SLIT2: variants seen among roughly 807,000 people sequenced by gnomAD.
The protein encoded by SLIT2 is slit homolog 2 protein.
SLIT2 carries 41 observed loss-of-function variants against 185.7 expected under a neutral mutation model. That is an observed-to-expected ratio of 0.22 (90% CI 0.17 to 0.29). The LOEUF is 0.29. SLIT2 is among the 10% of genes least tolerant of loss of function. SLIT2 has a pLI of 1.00. For missense variants in SLIT2, 1,571 were observed against 1,909.0 expected (o/e 0.82, Z 3.30); for synonymous variants, 693 against 680.2 (o/e 1.02, Z -0.29).
At chr4:20,553,757 A>ATGTG (rs754599081) in intron 25 of SLIT2, 48 bp from the exon 26 acceptor site, 5 of 1,163,414 alleles carry the variant, frequency 4.3e-6, no homozygotes, top group South Asian at 2.0e-5. Flanking sequence ...GTGTGTGTGT[A>ATGTG]TGTGTGTGTG....
intron 11 of SLIT2, among the ~76,000 whole-genome samples, chr4:20,511,377 G>A (rs2148826107): frequency 6.6e-6 from 1 of 150,804 alleles, no homozygotes; most frequent in Admixed American, 6.6e-5. Context: ...TTTGCTGTTA[G>A]GAGAGCAAGA....
intron 30 of SLIT2, among the ~76,000 whole-genome samples, chr4:20,593,668 TA>T (rs1301627118): frequency 6.6e-6 from 1 of 152,166 alleles, no homozygotes. Context: ...AGGTGATGGA[TA>T]TGTTAATTAG....
chr4:20,524,080 C>G lies in SLIT2; in HGVS notation c.1341C>G (p.Thr447=), dbSNP rs1721073717. 3.1e-6 allele frequency: 5 copies of G among 1,614,058 alleles called. No homozygotes were observed. Among genetic ancestry groups the G allele is most frequent in the Non-Finnish European group, 4.2e-6 (5 of 1,179,954 alleles). The change falls in exon 14 of 37, where the codon ACC becomes ACG. Residue 447 remains threonine, a synonymous_variant. Transcript: ENST00000504154. ...AGTGGCTAGCGGATTATCTCCATAC[C>G]AACCCGATTGAGACCAGTGGTGCCC... The part of the protein sequence containing the change: ...HLKWLADYLH[T]NPIETSGARC...
intron 4 of SLIT2, among the ~76,000 whole-genome samples, chr4:20,435,898 G>A (rs1003115767): frequency 6.6e-6 from 1 of 152,220 alleles, no homozygotes; most frequent in Admixed American, 6.5e-5. Flanking sequence ...GGATGACTAG[G>A]AGTACATGTG....
At chr4:20,518,627 C>T (rs1477448988) in intron 11 of SLIT2, among the ~76,000 whole-genome samples, 14 of 51,022 alleles carry the variant, frequency 2.7e-4, no homozygotes, top group African/African-American at 8.6e-4. Context: ...TTTTTTGAGA[C>T]GGAGTCTCGC....
intron 4 of SLIT2, among the ~76,000 whole-genome samples, chr4:20,437,207 C>T (rs1264999806): frequency 6.6e-6 from 1 of 152,120 alleles, no homozygotes; most frequent in Non-Finnish European, 1.5e-5. Flanking sequence ...GTCTGCTCGG[C>T]AGAATCTCCA....
intron 5 of SLIT2, among the ~76,000 whole-genome samples, chr4:20,477,466 T>G: frequency 6.6e-6 from 1 of 152,152 alleles, no homozygotes. Context: ...CCCAAGGTGC[T>G]GGGATTACAG....
At chr4:20,295,966 A>G (rs1452624876) in intron 4 of SLIT2, among the ~76,000 whole-genome samples, 1 of 152,254 alleles carries the variant, frequency 6.6e-6, no homozygotes, top group Non-Finnish European at 1.5e-5. Context: ...TATCTGTATG[A>G]TGGCCAGTGC....
chr4:20,359,014 T>C (rs1394996096), intron 4 of SLIT2, among the ~76,000 whole-genome samples: 2 of 152,034 alleles, frequency 1.3e-5, no homozygotes, highest in Non-Finnish European at 2.9e-5. Context: ...ACCAGGAAAA[T>C]ATCCCAACTT....
intron 29 of SLIT2, among the ~76,000 whole-genome samples, chr4:20,582,652 A>G (rs1726685441): frequency 6.6e-6 from 1 of 152,182 alleles, no homozygotes; most frequent in Admixed American, 6.5e-5. Context: ...ACAACTTTGC[A>G]GAGATAGGAG....
chr4:20,340,878 GGCGTGAGCCA>G (rs1253623243), intron 4 of SLIT2, among the ~76,000 whole-genome samples: 1 of 152,218 alleles, frequency 6.6e-6, no homozygotes, highest in Admixed American at 6.5e-5. Context: ...TGGGATTACA[GGCGTGAGCCA>G]CCGTGCCCGG....
Position 20,254,110 on chromosome 4 carries a change from C to T in SLIT2, c.179+116C>T. The T allele has an allele frequency of 1.9e-6, 2 of 1,041,836 alleles. No homozygotes were observed. Among genetic ancestry groups the T allele is most frequent in the Non-Finnish European group, 2.8e-6 (2 of 711,514 alleles). The allele number at this position is 1,041,836 out of a possible 1,614,324, so 64.5% of individuals were successfully genotyped here. ...CCTGGGGCAGCCCTCGCTAGCTCTC[C>T]CCCATGCACATCCTGGGGTTGAGCT... On this transcript the variant is annotated intron_variant, in intron 1 of 36. Transcript: ENST00000504154. The surrounding 1 kb of genome is among the most constrained non-coding windows in gnomAD (Gnocchi z 5.1).
chr4:20,310,527 T>C (rs1169960528), intron 4 of SLIT2, among the ~76,000 whole-genome samples: 4 of 152,134 alleles, frequency 2.6e-5, no homozygotes, highest in African/African-American at 9.7e-5. Flanking sequence ...CTTTCCCTCT[T>C]AAGTATCTCT....
At chr4:20,612,494 G>A (rs1578023575) in intron 34 of SLIT2, among the ~76,000 whole-genome samples, 1 of 152,190 alleles carries the variant, frequency 6.6e-6, no homozygotes. Flanking sequence ...CGCTTAGAGT[G>A]CAGTCTCAAG....
At chr4:20,486,064 G>A (rs7667691) in intron 6 of SLIT2, 136 bp from the exon 7 acceptor site, 120,673 of 645,590 alleles carry the variant, frequency 0.19, 11,738 homozygotes, top group South Asian at 0.22. Flanking sequence ...CTATAGAGTA[G>A]TGCATTCTCT....
chr4:20,489,072 ATTGTTC>A, intron 8 of SLIT2, 90 bp downstream of exon 8: 2 of 1,050,226 alleles, frequency 1.9e-6, no homozygotes, highest in Non-Finnish European at 2.8e-6. Context: ...AGGTTTCAGT[ATTGTTC>A]ACTAATGTTC....
chr4:20,406,880 T>A (rs1470309445), intron 4 of SLIT2, among the ~76,000 whole-genome samples: 1 of 150,952 alleles, frequency 6.6e-6, no homozygotes, highest in East Asian at 2.0e-4. Context: ...GGTGGTATTG[T>A]TTAAAGCCCA....
chr4:20,541,529 G>A lies in SLIT2; in HGVS notation c.2053G>A (p.Val685Ile). Residue 685 changes from valine to isoleucine, a missense_variant, in exon 20 of 37, where the codon GTC (valine) becomes ATC (isoleucine). Around this residue, in one of 3 missense-constraint regions of SLIT2, gnomAD observed 1,202 missense variants for 1,416.4 expected, o/e 0.85. Coordinates refer to ENST00000504154, the MANE Select transcript of SLIT2 (RefSeq NM_004787.4). ...AGAGTGGCTGAGAAAGAAGAGAATT[G>A]TCACGGGAAATCCTAGATGTCAAAA... ...LGEWLRKKRI[V>I]TGNPRCQKPY... 1.2e-6 allele frequency: 2 copies of A among 1,613,962 alleles called. No individual in the cohort carries two copies. Among genetic ancestry groups the A allele is most frequent in the Non-Finnish European group, 1.7e-6 (2 of 1,179,906 alleles).
chr4:20,377,320 A>G (rs1007480535), intron 4 of SLIT2, among the ~76,000 whole-genome samples: 4 of 152,310 alleles, frequency 2.6e-5, no homozygotes, highest in African/African-American at 9.6e-5. Context: ...CTGAAAGTGA[A>G]TACATCTATT....
Sources: allele counts gnomAD v4.1 joint callset (sites outside exome capture counted in the v4.1 genomes callset), GRCh38; gene constraint gnomAD v4.1.1; regional missense constraint gnomAD v4.1.1; non-coding constraint Gnocchi (gnomAD v3.1); transcripts MANE v1.5; gene names NCBI Gene and HGNC (gene_info 2026-07-23, HGNC 2026-07-21).